Variants in LHX6 observed in about 807,000 individuals in gnomAD.
LHX6 encodes the protein LIM/homeobox protein Lhx6.
LHX6 carries 15 observed loss-of-function variants against 47.1 expected under a neutral mutation model. The observed-to-expected ratio is 0.32, with a 90% CI of 0.21 to 0.49. The LOEUF is 0.49. Among genes scored for constraint, LHX6 ranks in the 20% least tolerant of loss-of-function variants. LHX6 has a pLI of 0.99. For missense variants in LHX6, 404 were observed against 539.6 expected, an observed-to-expected ratio of 0.75 and a Z score of 2.49; for synonymous variants, 242 against 233.5, an observed-to-expected ratio of 1.04 and a Z score of -0.33.
Position 122,204,672 on chromosome 9 carries a change from A to G in LHX6, c.*88T>C. ...CGGGGGTGGATGCGGAGGTGGGTGG[A>G]CTCCTGGCCGCAGCTTGGACACTGG... On this transcript the variant is annotated 3_prime_UTR_variant, in exon 10 of 10. Coordinates refer to ENST00000394319, the MANE Select transcript of LHX6 (RefSeq NM_014368.5). 1 of 1,521,716 alleles carries G rather than the reference A, an allele frequency of 6.6e-7. No individual in the cohort carries two copies. 94.3% of individuals were successfully genotyped at this position (1,521,716 alleles called of 1,614,324 possible).
At chr9:122,227,095 G>T in intron 2 of LHX6, 65 bp from the exon 3 acceptor site, 1 of 1,413,070 alleles carries the variant, frequency 7.1e-7, no homozygotes, top group South Asian at 1.5e-5. Flanking sequence ...CTGCCTTGGA[G>T]ACAAATCTGG....
rs1021152805 is a variant in LHX6, at chr9:122,213,459, T to C, written c.1054+147A>G. The C allele has an allele frequency of 5.1e-5, 36 of 703,248 alleles. No individual in the cohort carries two copies. Among genetic ancestry groups the C allele is most frequent in the Non-Finnish European group, 8.2e-5 (36 of 437,052 alleles). 43.6% of individuals were successfully genotyped at this position (703,248 alleles called of 1,614,324 possible). A position where few individuals can be genotyped will look rare whatever the true frequency, so the allele number is the denominator to read the frequency against. On this transcript the variant is annotated intron_variant, in intron 8 of 9. Transcript: ENST00000394319. The surrounding 1 kb of genome is among the most constrained non-coding windows in gnomAD (Gnocchi z 5.5). Reference sequence around the variant, plus strand: ...ATTTGACCCTTCTTCCCCCAACTCCTAGATCCAAATGACTTCGGGTCCCGC... The same window carrying C: ...ATTTGACCCTTCTTCCCCCAACTCCCAGATCCAAATGACTTCGGGTCCCGC...
intron 2 of LHX6, 134 bp from the exon 3 acceptor site, chr9:122,227,164 G>A: frequency 1.1e-6 from 1 of 882,572 alleles, no homozygotes; most frequent in Non-Finnish European, 1.7e-6. Context: ...GTAGACTGAA[G>A]GACAGGGATG....
At chr9:122,205,859 T>C (rs1161107006) in intron 9 of LHX6, among the ~76,000 whole-genome samples, 1 of 152,050 alleles carries the variant, frequency 6.6e-6, no homozygotes, top group African/African-American at 2.4e-5. Flanking sequence ...GAGAAACTAA[T>C]TGCATTCCCA....
chr9:122,206,709 A>G (rs1235471710), intron 9 of LHX6, among the ~76,000 whole-genome samples: 1 of 152,108 alleles, frequency 6.6e-6, no homozygotes, highest in African/African-American at 2.4e-5. Context: ...CTCTCCAAGC[A>G]CTGAGCCCAG....
In LHX6 at chr9:122,214,220, T is replaced by G; in HGVS notation, c.783+63A>C. On this transcript the variant is annotated intron_variant, in intron 6 of 9. Transcript: ENST00000394319. The surrounding 1 kb of genome is among the most constrained non-coding windows in gnomAD (Gnocchi z 4.6). ...GCCCGAGGGGCGGAGCCAGGAGACA[T>G]TGTCGGCCCCGCCCACTTTCGGCCC... is the stretch of plus-strand genomic sequence containing the variant. 4.8e-6 allele frequency: 5 copies of G among 1,036,902 alleles called. No homozygotes were observed. Among genetic ancestry groups the G allele is most frequent in the South Asian group, 1.5e-5 (1 of 68,790 alleles). 64.2% of individuals were successfully genotyped at this position (1,036,902 alleles called of 1,614,324 possible). A position where few individuals can be genotyped will look rare whatever the true frequency, so the allele number is the denominator to read the frequency against.
At chr9:122,228,471 T>G in intron 1 of LHX6, 186 bp downstream of exon 1, 1 of 1,395,320 alleles carries the variant, frequency 7.2e-7, no homozygotes. Flanking sequence ...GCATAATGTG[T>G]TCCCGCTTTC....
At chr9:122,210,283 C>T (rs1296015568) in intron 8 of LHX6, among the ~76,000 whole-genome samples, 2 of 152,096 alleles carry the variant, frequency 1.3e-5, no homozygotes, top group African/African-American at 2.4e-5. Context: ...CACTGATAAA[C>T]ACTCCTAAAT....
chr9:122,204,871 G>T, intron 9 of LHX6, 91 bp from the exon 10 acceptor site: 1 of 845,540 alleles, frequency 1.2e-6, no homozygotes, highest in South Asian at 2.2e-5. Context: ...GAGAAGAAGG[G>T]TGGACTCAGG....
At chr9:122,221,229 A>G (rs745843733) in intron 4 of LHX6, 3 of 984,934 alleles carry the variant, frequency 3.0e-6, no homozygotes, top group Admixed American at 6.2e-5. Flanking sequence ...AGAGGGGGAA[A>G]AAAAACCCAG....
At position 122,213,725 on chromosome 9, in the gene LHX6, A is replaced by T; in HGVS notation, c.935T>A (p.Val312Glu). 1 of 1,611,514 alleles carries T rather than the reference A, an allele frequency of 6.2e-7. No individual in the cohort carries two copies. Among genetic ancestry groups the T allele is most frequent in the Non-Finnish European group, 8.5e-7 (1 of 1,179,178 alleles). Residue 312 changes from valine (V) to glutamate (E), a missense_variant, in exon 8 of 10, where the codon GTG becomes GAG. Val to Glu is a moderately radical substitution (Grantham distance 121, BLOSUM62 -2). Transcript: ENST00000394319. The surrounding 1 kb of genome is among the most constrained non-coding windows in gnomAD (Gnocchi z 5.5). ...GGACGGGGGCGCCCCCGAGGGCGGC[A>T]CTGGGTGTTGCGGCGTGTGCTTTTT... ...RHKKHTPQHP[V>E]PPSGAPPSRL... is the part of the protein sequence containing the mutation.
intron 8 of LHX6, among the ~76,000 whole-genome samples, chr9:122,212,840 C>G (rs1830446099): frequency 6.6e-6 from 1 of 152,200 alleles, no homozygotes; most frequent in African/African-American, 2.4e-5. Flanking sequence ...ACTGTGTTCA[C>G]TGTCGTATCC....
At position 122,204,577 on chromosome 9, in the gene LHX6, T is replaced by C; in HGVS notation, c.*183A>G. ...AGGACTCTGTGGTGCTCCTGGTGGGTTCTGGTTCTCAGCAGGAGAGGGAAA... is the reference window on the plus strand; with the variant it reads ...AGGACTCTGTGGTGCTCCTGGTGGGCTCTGGTTCTCAGCAGGAGAGGGAAA... On this transcript the variant is annotated 3_prime_UTR_variant, in exon 10 of 10. Coordinates refer to ENST00000394319, the MANE Select transcript of LHX6 (RefSeq NM_014368.5). 1 of 542,946 alleles carries C rather than the reference T, an allele frequency of 1.8e-6. No individual in the cohort carries two copies. The highest frequency in any genetic ancestry group is 3.7e-5 in the Admixed American group (1 of 27,214). 33.6% of individuals were successfully genotyped at this position (542,946 alleles called of 1,614,324 possible).
In LHX6 at chr9:122,204,688, T is replaced by C; in HGVS notation, c.*72A>G. On this transcript the variant is annotated 3_prime_UTR_variant, in exon 10 of 10. Coordinates refer to ENST00000394319, the MANE Select transcript of LHX6 (RefSeq NM_014368.5). ...GGTGGGTGGACTCCTGGCCGCAGCTTGGACACTGGATCTCAGCGGCTGAGG... is the reference window on the plus strand; with the variant it reads ...GGTGGGTGGACTCCTGGCCGCAGCTCGGACACTGGATCTCAGCGGCTGAGG... 1 of 1,580,098 alleles carries C rather than the reference T, an allele frequency of 6.3e-7. No individual in the cohort carries two copies. Among genetic ancestry groups the C allele is most frequent in the Non-Finnish European group, 8.6e-7 (1 of 1,161,248 alleles).
chr9:122,223,124 A>C (rs1390573147), intron 4 of LHX6, among the ~76,000 whole-genome samples: 1 of 151,968 alleles, frequency 6.6e-6, no homozygotes, highest in Admixed American at 6.6e-5. Context: ...CTTGCCTGGC[A>C]CTCGATCGGC....
At chr9:122,228,497 C>CA (rs1831205637) in intron 1 of LHX6, 160 bp downstream of exon 1, 1 of 1,422,048 alleles carries the variant, frequency 7.0e-7, no homozygotes, top group Non-Finnish European at 9.1e-7. Flanking sequence ...CCCCCCCCCC[C>CA]CGCTCGCGCG....
At position 122,227,488 on chromosome 9, in the gene LHX6, A is replaced by T. The variant is rs566350165; in HGVS notation, c.85-8T>A. On this transcript the variant is annotated splice_polypyrimidine_tract_variant and splice_region_variant and intron_variant, in intron 1 of 9. Coordinates refer to ENST00000394319, the MANE Select transcript of LHX6 (RefSeq NM_014368.5). ...CCCTGGCTGGGCCATCACCTGGGGG[A>T]GGGGGGGAGGGAACGCAGGCGGCGG... 6 of 360,080 alleles carry T rather than the reference A, an allele frequency of 1.7e-5. No homozygotes were observed. The highest frequency in any genetic ancestry group is 2.0e-4 in the East Asian group (2 of 9,872). The allele number at this position is 360,080 out of a possible 1,614,324, so 22.3% of individuals were successfully genotyped here.
At chr9:122,206,130 G>A (rs926514473) in intron 9 of LHX6, among the ~76,000 whole-genome samples, 35 of 152,198 alleles carry the variant, frequency 2.3e-4, no homozygotes, top group Admixed American at 2.3e-3. Context: ...TGGATTTGTG[G>A]GATCAGGGGA....
At chr9:122,228,533 ACTCACAGGCGCACC>A in intron 1 of LHX6, 110 bp downstream of exon 1, 1 of 1,239,170 alleles carries the variant, frequency 8.1e-7, no homozygotes, top group Non-Finnish European at 1.0e-6. Flanking sequence ...ACAAGCACAC[ACTCACAGGCGCACC>A]CTCGTACCCC....
Sources: gnomAD v4.1 joint callset for allele counts (sites outside exome capture counted in the v4.1 genomes callset) on GRCh38, gnomAD v4.1.1 for gene constraint, Gnocchi (gnomAD v3.1) non-coding constraint, MANE v1.5 for transcripts, NCBI Gene and HGNC (gene_info 2026-07-23, HGNC 2026-07-21) for gene names.